Variants in CRIP2 observed in about 807,000 individuals in gnomAD.
The protein encoded by CRIP2 is cysteine rich protein 2, also known as cysteine-rich protein 2.
In CRIP2, 31 loss-of-function variants were observed where a neutral mutation model predicts 31.3. That is an observed-to-expected ratio of 0.99 (90% CI 0.74 to 1.34). The LOEUF is 1.34. Among genes scored for constraint, CRIP2 ranks in the 40% most tolerant of loss-of-function variants. The pLI is 0.00. For missense variants in CRIP2, 389 were observed against 301.6 expected (o/e 1.29, Z -2.15); for synonymous variants, 177 against 127.2 (o/e 1.39, Z -2.63).
intron 1 of CRIP2, chr14:105,476,916 TC>T: frequency 3.0e-6 from 1 of 334,006 alleles, no homozygotes; most frequent in Non-Finnish European, 4.3e-6. Context: ...ACCTGGGGGA[TC>T]CCATCTCACT....
intron 1 of CRIP2, among the ~76,000 whole-genome samples, chr14:105,477,889 CG>C (rs2083979501): frequency 4.7e-5 from 1 of 21,176 alleles, no homozygotes; most frequent in Non-Finnish European, 2.2e-3. Flanking sequence ...TGTTGGAGCG[CG>C]GGCAGGTGTT....
chr14:105,479,122 C>T lies in CRIP2; in HGVS notation c.407-3C>T, dbSNP rs782269858. ...GCTCGGCCTCACTCCTCCCCCTTTC[C>T]AGCTGAGAAGGTGACGTCTCTGGGC... On this transcript the variant is annotated splice_polypyrimidine_tract_variant and splice_region_variant and intron_variant, in intron 5 of 7. Coordinates refer to ENST00000329146, the MANE Select transcript of CRIP2 (RefSeq NM_001312.4). The T allele has an allele frequency of 5.6e-6, 9 of 1,611,516 alleles. No individual in the cohort carries two copies. The highest frequency in any genetic ancestry group is 6.8e-6 in the Non-Finnish European group (8 of 1,179,452).
intron 1 of CRIP2, chr14:105,476,411 A>C (rs2083933609): frequency 2.0e-6 from 2 of 985,350 alleles, no homozygotes; most frequent in Admixed American, 6.1e-5. Flanking sequence ...CCCGCAGCTC[A>C]TACCTGAGTA....
rs970278510 is a variant in CRIP2, at chr14:105,478,176, G to C, written c.44-90G>C. On this transcript the variant is annotated intron_variant, in intron 1 of 7. Transcript: ENST00000329146. The surrounding 1 kb of genome is among the most constrained non-coding windows in gnomAD (Gnocchi z 4.9). ...GACCTCCTGAAAGTGGGGACCCCCG[G>C]AGCGCGTGGGGGTGGTGGCTGCCAG... is the stretch of plus-strand genomic sequence containing the variant. 11 of 1,054,954 alleles carry C rather than the reference G, an allele frequency of 1.0e-5. No homozygotes were observed. The highest frequency in any genetic ancestry group is 1.4e-5 in the Non-Finnish European group (11 of 764,062). 65.3% of individuals were successfully genotyped at this position (1,054,954 alleles called of 1,614,324 possible).
In CRIP2 at chr14:105,479,685, T is replaced by A; in HGVS notation, c.*32T>A. The A allele has an allele frequency of 1.3e-6, 2 of 1,599,816 alleles. No individual in the cohort carries two copies. Among genetic ancestry groups the A allele is most frequent in the Non-Finnish European group, 1.7e-6 (2 of 1,174,206 alleles). On this transcript the variant is annotated 3_prime_UTR_variant, in exon 8 of 8. Coordinates refer to ENST00000329146, the MANE Select transcript of CRIP2 (RefSeq NM_001312.4). ...GCGGCTCTCATGATGTGGGCTCACC[T>A]GCGCCCCAGACCCTGCAGGGGCCCC...
upstream of CRIP2, chr14:105,473,575 T>C: frequency 6.7e-7 from 1 of 1,493,650 alleles, no homozygotes; most frequent in Non-Finnish European, 8.9e-7. Flanking sequence ...CAGAGTCAGC[T>C]GCCCCCATAG....
In CRIP2 at chr14:105,479,572, G is replaced by T; in HGVS notation, c.560-14G>T. ...ACTGTTCCCCCGACCCACCCCAGCG[G>T]CCTCCCTCCACAGGAGTGAACACCG... On this transcript the variant is annotated splice_polypyrimidine_tract_variant and intron_variant, in intron 7 of 7. Transcript: ENST00000329146. The T allele has an allele frequency of 6.2e-7, 1 of 1,612,744 alleles. No homozygotes were observed. Among genetic ancestry groups the T allele is most frequent in the African/African-American group, 1.3e-5 (1 of 75,042 alleles).
Position 105,479,424 on chromosome 14 carries a change from C to T in CRIP2, c.502-12C>T, listed in dbSNP as rs782795301. On this transcript the variant is annotated splice_polypyrimidine_tract_variant and intron_variant, in intron 6 of 7. Coordinates refer to ENST00000329146, the MANE Select transcript of CRIP2 (RefSeq NM_001312.4). ...TGTGGACTCCTCCCTCAGCACCCAC[C>T]TTCTGCCCCAGCACGACGGCCAGCC... 13 of 1,612,630 alleles carry T rather than the reference C, an allele frequency of 8.1e-6. No homozygotes were observed. In the African/African-American group the frequency reaches 9.3e-5, roughly 12 times the overall value.
chr14:105,477,869 C>CGCGGGCAGGTGTTGGAGG (rs1555436194), intron 1 of CRIP2, among the ~76,000 whole-genome samples: 2 of 10,220 alleles, frequency 2.0e-4, no homozygotes, highest in African/African-American at 2.4e-4. Context: ...GGTGTTGGAG[C>CGCGGGCAGGTGTTGGAGG]GCGGGCAGGT....
intron 1 of CRIP2, chr14:105,477,371 T>G: frequency 1.0e-6 from 1 of 984,960 alleles, no homozygotes; most frequent in Non-Finnish European, 1.2e-6. Context: ...AGCTCAGGGT[T>G]TAGGACGAGG....
upstream of CRIP2, chr14:105,473,053 CCCCACAGGTAGCAA>C: frequency 6.5e-6 from 2 of 308,138 alleles, no homozygotes; most frequent in Non-Finnish European, 1.2e-5. Context: ...AGGTAGCAAG[CCCCACAGGTAGCAA>C]AGTCAGGGAG....
chr14:105,473,267 T>C (rs868989059), upstream of CRIP2: 1 of 1,441,086 alleles, frequency 6.9e-7, no homozygotes, highest in Non-Finnish European at 9.2e-7. Flanking sequence ...CACCATCTTC[T>C]GCCTTGGCTG....
At chr14:105,474,653 G>A (rs2141743972), upstream of CRIP2, 6 of 434,834 alleles carry the variant, frequency 1.4e-5, no homozygotes, top group Non-Finnish European at 1.8e-5. The surrounding 1 kb of genome is among the most constrained non-coding windows in gnomAD (Gnocchi z 5.1). Context: ...GGCCTGGCCC[G>A]GCTGCCCCGC....
intron 6 of CRIP2, 75 bp from the exon 7 acceptor site, chr14:105,479,361 A>T (rs1263617615): frequency 1.4e-5 from 23 of 1,598,008 alleles, no homozygotes; most frequent in Non-Finnish European, 1.9e-5. Flanking sequence ...GCCGGCCTGC[A>T]CGTTCTGGAA....
intron 1 of CRIP2, chr14:105,477,388 C>G: frequency 1.0e-6 from 1 of 985,164 alleles, no homozygotes; most frequent in Non-Finnish European, 1.2e-6. Flanking sequence ...GAGGAATCCA[C>G]AGACAGATGA....
At position 105,478,389 on chromosome 14, in the gene CRIP2, G is replaced by A; in HGVS notation, c.138+29G>A. 1.3e-6 allele frequency: 2 copies of A among 1,572,622 alleles called. No individual in the cohort carries two copies. Among genetic ancestry groups the A allele is most frequent in the South Asian group, 1.1e-5 (1 of 87,502 alleles). ...AGCCCCACTGCGCGGCGCGGGCGGG[G>A]GCGGGGGTCGCGACTCCCGCCACCC... is the stretch of plus-strand genomic sequence containing the variant. On this transcript the variant is annotated intron_variant, in intron 2 of 7. Transcript: ENST00000329146. The surrounding 1 kb of genome is among the most constrained non-coding windows in gnomAD (Gnocchi z 4.9).
In CRIP2 at chr14:105,478,900, G is replaced by A. The variant is rs1244309630; in HGVS notation, c.337+29G>A. 5 of 1,477,850 alleles carry A rather than the reference G, an allele frequency of 3.4e-6. No homozygotes were observed. The highest frequency in any genetic ancestry group is 2.6e-5 in the East Asian group (1 of 39,104). The allele number at this position is 1,477,850 out of a possible 1,614,324, so 91.5% of individuals were successfully genotyped here. ...GGCTGGGCGCGGGCTGGGGCTGGGG[G>A]TTGTGGGCACGCGCGGGCTGGGGCT... On this transcript the variant is annotated intron_variant, in intron 4 of 7. Transcript: ENST00000329146. The surrounding 1 kb of genome is among the most constrained non-coding windows in gnomAD (Gnocchi z 4.9).
rs1555436478 is a variant in CRIP2 at position 105,478,663 on chromosome 14, T to C, written c.197-68T>C. 6.9e-7 allele frequency: 1 copy of C among 1,458,166 alleles called. No individual in the cohort carries two copies. The highest frequency in any genetic ancestry group is 2.5e-5 in the East Asian group (1 of 39,462). The allele number at this position is 1,458,166 out of a possible 1,614,324, so 90.3% of individuals were successfully genotyped here. A position where few individuals can be genotyped will look rare whatever the true frequency, so the allele number is the denominator to read the frequency against. ...TGCCCCCCAGTCCCCAGCGGGCCGT[T>C]TTCTGAGATGCCCGGTGGCCGCGGC... On this transcript the variant is annotated intron_variant, in intron 3 of 7. Coordinates refer to ENST00000329146, the MANE Select transcript of CRIP2 (RefSeq NM_001312.4). This position sits in a 1 kb window ranked among gnomAD's most constrained non-coding sequence, Gnocchi z 4.9.
At chr14:105,473,471 T>C (rs1555435175), upstream of CRIP2, 3 of 1,535,308 alleles carry the variant, frequency 2.0e-6, no homozygotes, top group East Asian at 2.4e-5. Flanking sequence ...GGGCCTCTGG[T>C]TGGCTCACAA....
Sources: gnomAD v4.1 joint callset for allele counts (sites outside exome capture counted in the v4.1 genomes callset) on GRCh38, gnomAD v4.1.1 for gene constraint, Gnocchi (gnomAD v3.1) non-coding constraint, MANE v1.5 for transcripts, NCBI Gene and HGNC (gene_info 2026-07-23, HGNC 2026-07-21) for gene names.